The following CNTN5 variants were observed in gnomAD, a reference collection of about 807,000 sequenced individuals.
CNTN5 encodes the protein contactin-5.
A neutral mutation model predicts 129.1 loss-of-function variants in CNTN5; 77 were observed. The observed-to-expected ratio is 0.60, with a 90% CI of 0.50 to 0.72. The LOEUF (loss-of-function observed/expected upper bound fraction) is 0.72. CNTN5 is among the 30% of genes least tolerant of loss of function. The pLI is 0.00. For missense variants in CNTN5, 1,478 were observed against 1,328.8 expected (o/e 1.11, Z -1.75); for synonymous variants, 509 against 465.6 (o/e 1.09, Z -1.20).
At chr11:99,562,293 T>C (rs1467178030) in intron 3 of CNTN5, among the ~76,000 whole-genome samples, 1 of 152,114 alleles carries the variant, frequency 6.6e-6, no homozygotes. Flanking sequence ...AAACCTAAAG[T>C]TTAATTTTAT....
intron 2 of CNTN5, among the ~76,000 whole-genome samples, chr11:99,353,637 C>T (rs1456217550): frequency 6.6e-6 from 1 of 152,292 alleles, no homozygotes; most frequent in South Asian, 2.1e-4. Flanking sequence ...GGAGGGCCTC[C>T]TTCACACAGG....
chr11:99,811,620 A>C (rs980759228), intron 3 of CNTN5, among the ~76,000 whole-genome samples: 3 of 151,900 alleles, frequency 2.0e-5, no homozygotes, highest in African/African-American at 7.2e-5. Context: ...TGGCAATGTC[A>C]TTCTGACTTA....
chr11:99,671,096 C>A (rs184667398), intron 3 of CNTN5, among the ~76,000 whole-genome samples: 3 of 150,842 alleles, frequency 2.0e-5, no homozygotes, highest in African/African-American at 7.3e-5. Flanking sequence ...TGAGTTCTCT[C>A]GCTCGCTCGC....
At chr11:99,905,270 T>C (rs56167944) in intron 6 of CNTN5, among the ~76,000 whole-genome samples, 135 of 152,344 alleles carry the variant, frequency 8.9e-4, no homozygotes, top group African/African-American at 3.2e-3. Context: ...TTTGTGGTTT[T>C]AGGTCTTACG....
At chr11:100,009,667 C>A (rs1458184251) in intron 9 of CNTN5, among the ~76,000 whole-genome samples, 1 of 152,204 alleles carries the variant, frequency 6.6e-6, no homozygotes, top group Middle Eastern at 3.4e-3. Context: ...ACTGGGTTAT[C>A]AGGAGAGGCA....
chr11:99,456,690 G>A (rs1406580484), intron 2 of CNTN5, among the ~76,000 whole-genome samples: 1 of 152,030 alleles, frequency 6.6e-6, no homozygotes, highest in African/African-American at 2.4e-5. Flanking sequence ...GCAGGGCTAA[G>A]TTTTGTTTTA....
chr11:100,312,049 A>T (rs1339889641), intron 21 of CNTN5, among the ~76,000 whole-genome samples: 1 of 152,090 alleles, frequency 6.6e-6, no homozygotes, highest in Non-Finnish European at 1.5e-5. Context: ...ACTTTATACA[A>T]ACAAACCGGG....
chr11:99,124,780 G>T (rs1858535241), intron 1 of CNTN5, among the ~76,000 whole-genome samples: 1 of 151,914 alleles, frequency 6.6e-6, no homozygotes, highest in African/African-American at 2.4e-5. Flanking sequence ...TGACAAAGGG[G>T]ATATTACCAC....
intron 8 of CNTN5, among the ~76,000 whole-genome samples, chr11:99,973,919 A>G (rs1937752349): frequency 6.6e-6 from 1 of 152,234 alleles, no homozygotes; most frequent in Non-Finnish European, 1.5e-5. Context: ...AGCCTCATAT[A>G]TTCAAATGAG....
chr11:99,032,641 G>C (rs1863455661), intron 1 of CNTN5, among the ~76,000 whole-genome samples: 1 of 151,902 alleles, frequency 6.6e-6, no homozygotes, highest in African/African-American at 2.4e-5. Context: ...AAATCTGTTT[G>C]AGTTCACTGT....
chr11:100,031,729 A>G (rs996618812), intron 9 of CNTN5, among the ~76,000 whole-genome samples: 6 of 152,200 alleles, frequency 3.9e-5, no homozygotes, highest in Admixed American at 6.5e-5. Context: ...GAAATTACTG[A>G]TGCACATGTT....
At chr11:99,572,408 C>T (rs182859477) in intron 3 of CNTN5, among the ~76,000 whole-genome samples, 47 of 152,312 alleles carry the variant, frequency 3.1e-4, no homozygotes, top group African/African-American at 1.1e-3. Context: ...GACAAGCTTG[C>T]TCTGAAAGAA....
intron 3 of CNTN5, among the ~76,000 whole-genome samples, chr11:99,577,835 A>ATTT (rs1368560910): frequency 6.6e-6 from 1 of 150,752 alleles, no homozygotes; most frequent in Non-Finnish European, 1.5e-5. Context: ...TATTATTATT[A>ATTT]TTATTATTAT....
chr11:99,652,757 T>G (rs1328796681), intron 3 of CNTN5, among the ~76,000 whole-genome samples: 1 of 152,098 alleles, frequency 6.6e-6, no homozygotes, highest in East Asian at 1.9e-4. Flanking sequence ...CACTATTATA[T>G]AATCATTATT....
At chr11:100,290,551 C>G (rs1009765080) in intron 18 of CNTN5, among the ~76,000 whole-genome samples, 7 of 141,122 alleles carry the variant, frequency 5.0e-5, no homozygotes, top group Non-Finnish European at 9.2e-5. Flanking sequence ...ACTGGCTAGC[C>G]ATATGTAGAA....
rs566146402 is a variant in CNTN5 at position 100,211,235 on chromosome 11, T to C, written c.1885-13457T>C. 3.9e-5 allele frequency among the ~76,000 whole-genome samples: 6 copies of C among 152,222 alleles called. No homozygotes were observed. The East Asian group carries it at 1.2e-3, about 29-fold the overall frequency. Reference sequence around the variant, plus strand: ...CACCAGTAGTAAAGGTAACATGCTTTTGAGGTTTTGGAACTCAGTTGCCAG... The same window carrying C: ...CACCAGTAGTAAAGGTAACATGCTTCTGAGGTTTTGGAACTCAGTTGCCAG... On this transcript the variant is annotated intron_variant, in intron 15 of 24. Transcript: ENST00000524871.
intron 4 of CNTN5, among the ~76,000 whole-genome samples, chr11:99,837,167 G>T (rs1248515091): frequency 6.6e-6 from 1 of 152,126 alleles, no homozygotes; most frequent in Admixed American, 6.5e-5. Flanking sequence ...TGTTCACGAT[G>T]GAGTTGCTCT....
At chr11:99,519,008 A>C (rs887792791) in intron 2 of CNTN5, among the ~76,000 whole-genome samples, 5 of 152,060 alleles carry the variant, frequency 3.3e-5, no homozygotes, top group Non-Finnish European at 7.4e-5. Flanking sequence ...GCATGTTTCT[A>C]TCCTGCCTGA....
At chr11:99,058,479 C>T (rs1268562643) in intron 1 of CNTN5, among the ~76,000 whole-genome samples, 1 of 151,938 alleles carries the variant, frequency 6.6e-6, no homozygotes, top group African/African-American at 2.4e-5. Flanking sequence ...TATATTTTCT[C>T]ACAATATTAG....
Sources: gnomAD v4.1 joint callset for allele counts (sites outside exome capture counted in the v4.1 genomes callset) on GRCh38, gnomAD v4.1.1 for gene constraint, MANE v1.5 for transcripts, NCBI Gene and HGNC (gene_info 2026-07-23, HGNC 2026-07-21) for gene names.